Variants in GPBP1L1 observed in about 807,000 individuals in gnomAD.
GPBP1L1 encodes the protein vasculin-like protein 1.
In GPBP1L1, 23 loss-of-function variants were observed where a neutral mutation model predicts 52.5. The observed-to-expected ratio is 0.44, with a 90% CI of 0.32 to 0.62. GPBP1L1 has a LOEUF of 0.62. Among genes scored for constraint, GPBP1L1 ranks in the 20% least tolerant of loss-of-function variants. The pLI is 0.06. For synonymous variants in GPBP1L1, 243 were observed against 203.1 expected (o/e 1.20, Z -1.67); for missense variants, 596 against 579.3 (o/e 1.03, Z -0.30).
In GPBP1L1 at chr1:45,654,845, A is replaced by G. The variant is rs1333481640; in HGVS notation, c.191-16T>C. 2.5e-6 allele frequency: 4 copies of G among 1,609,720 alleles called. No homozygotes were observed. The highest frequency in any genetic ancestry group is 1.7e-5 in the Admixed American group (1 of 59,340). ...TGCCAAGAATCTAGAATAGTAAAGA[A>G]AAGGACTAATTAGATTGTTTGCTTC... On this transcript the variant is annotated splice_polypyrimidine_tract_variant and intron_variant, in intron 5 of 12. Transcript: ENST00000355105.
chr1:45,681,257 G>C (rs1055407915), intron 2 of GPBP1L1, among the ~76,000 whole-genome samples: 5 of 152,082 alleles, frequency 3.3e-5, no homozygotes, highest in African/African-American at 1.2e-4. Flanking sequence ...CAAATACACA[G>C]AATCACCTAA....
chr1:45,645,009 C>T (rs116344827), intron 6 of GPBP1L1, among the ~76,000 whole-genome samples: 47 of 152,260 alleles, frequency 3.1e-4, no homozygotes, highest in South Asian at 6.2e-4. Flanking sequence ...TGTGATTCAA[C>T]CCTCGTCGTT....
chr1:45,678,556 G>C (rs1202584773), intron 2 of GPBP1L1, among the ~76,000 whole-genome samples: 1 of 152,048 alleles, frequency 6.6e-6, no homozygotes, highest in African/African-American at 2.4e-5. Flanking sequence ...CAATCTGTCA[G>C]CTATAAACTT....
chr1:45,650,409 C>G (rs1375591922), intron 6 of GPBP1L1, among the ~76,000 whole-genome samples: 2 of 152,176 alleles, frequency 1.3e-5, no homozygotes, highest in Non-Finnish European at 2.9e-5. Flanking sequence ...GTGTTCCTGT[C>G]TATATCATGT....
chr1:45,638,122 T>C (rs990796089), intron 8 of GPBP1L1, among the ~76,000 whole-genome samples: 3 of 152,234 alleles, frequency 2.0e-5, no homozygotes, highest in South Asian at 4.1e-4. Context: ...CTAAACCCTT[T>C]TCAAAGATAA....
intron 10 of GPBP1L1, 39 bp downstream of exon 10, chr1:45,633,450 A>G (rs1245306239): frequency 6.2e-7 from 1 of 1,603,660 alleles, no homozygotes; most frequent in East Asian, 2.2e-5. Context: ...ATCAAAGGAA[A>G]ATTCCTAGGC....
chr1:45,627,319 A>G lies in GPBP1L1; in HGVS notation c.*937T>C, dbSNP rs964630933. 1.3e-5 allele frequency: 2 copies of G among 152,488 alleles called. No individual in the cohort carries two copies. The highest frequency in any genetic ancestry group is 2.9e-5 in the Non-Finnish European group (2 of 68,014). 9.4% of individuals were successfully genotyped at this position (152,488 alleles called of 1,614,324 possible). On this transcript the variant is annotated 3_prime_UTR_variant, in exon 13 of 13. Transcript: ENST00000355105. Reference sequence around the variant, plus strand: ...AAAAAAAAACTTGGTTTCTGACTTTATTACTGGTAATTTATTGCACAGGTT... The same window carrying G: ...AAAAAAAAACTTGGTTTCTGACTTTGTTACTGGTAATTTATTGCACAGGTT...
intron 2 of GPBP1L1, among the ~76,000 whole-genome samples, chr1:45,666,925 G>A (rs979914339): frequency 6.6e-6 from 1 of 152,144 alleles, no homozygotes; most frequent in Non-Finnish European, 1.5e-5. Flanking sequence ...AAAATATTAC[G>A]TTAAATGAAA....
At chr1:45,656,641 C>A (rs1644887847) in intron 4 of GPBP1L1, among the ~76,000 whole-genome samples, 1 of 150,322 alleles carries the variant, frequency 6.7e-6, no homozygotes, top group Admixed American at 6.6e-5. Flanking sequence ...GTACTTTAGT[C>A]AAAAATCAAC....
intron 8 of GPBP1L1, among the ~76,000 whole-genome samples, chr1:45,637,326 T>C (rs1644605709): frequency 6.6e-6 from 1 of 152,176 alleles, no homozygotes; most frequent in Non-Finnish European, 1.5e-5. Context: ...TAACATCTCA[T>C]ATCCTACGTA....
chr1:45,642,826 G>C (rs1644691335), intron 6 of GPBP1L1, among the ~76,000 whole-genome samples: 1 of 152,220 alleles, frequency 6.6e-6, no homozygotes, highest in Non-Finnish European at 1.5e-5. Flanking sequence ...CTGAAAGTTA[G>C]ATGAACAAGA....
At chr1:45,665,507 T>C (rs1644998634) in intron 2 of GPBP1L1, among the ~76,000 whole-genome samples, 1 of 151,920 alleles carries the variant, frequency 6.6e-6, no homozygotes, top group Admixed American at 6.6e-5. Context: ...TCCCAGCACT[T>C]TGAGAGTCTG....
At chr1:45,650,669 ATTTT>A (rs1644809007) in intron 6 of GPBP1L1, among the ~76,000 whole-genome samples, 1 of 152,200 alleles carries the variant, frequency 6.6e-6, no homozygotes. Flanking sequence ...TCAATTTGTG[ATTTT>A]TATCTACCTA....
At chr1:45,650,414 T>C (rs1302958492) in intron 6 of GPBP1L1, among the ~76,000 whole-genome samples, 1 of 152,182 alleles carries the variant, frequency 6.6e-6, no homozygotes, top group African/African-American at 2.4e-5. Flanking sequence ...CCTGTCTATA[T>C]CATGTACTTC....
intron 2 of GPBP1L1, among the ~76,000 whole-genome samples, chr1:45,664,605 G>C (rs561682852): frequency 1.3e-5 from 2 of 152,098 alleles, no homozygotes; most frequent in Non-Finnish European, 2.9e-5. Flanking sequence ...ATTCCATAGA[G>C]ATGGGGTTTC....
intron 6 of GPBP1L1, among the ~76,000 whole-genome samples, chr1:45,649,012 A>G (rs953530335): frequency 2.0e-5 from 3 of 152,200 alleles, no homozygotes; most frequent in Admixed American, 6.5e-5. Context: ...CCTGAGACAC[A>G]AGAGTGAATC....
intron 2 of GPBP1L1, among the ~76,000 whole-genome samples, chr1:45,665,561 T>C (rs1001614103): frequency 2.6e-5 from 4 of 151,748 alleles, no homozygotes; most frequent in African/African-American, 9.7e-5. Context: ...ACCAACATGG[T>C]GAAACCCTGT....
chr1:45,676,710 CAAAAAAAA>C (rs1189531708), intron 2 of GPBP1L1, among the ~76,000 whole-genome samples: 5 of 63,276 alleles, frequency 7.9e-5, no homozygotes, highest in Non-Finnish European at 1.3e-4. Context: ...AACTCTGTCT[CAAAAAAAA>C]AAAAAAAAAA....
intron 2 of GPBP1L1, among the ~76,000 whole-genome samples, chr1:45,667,847 A>G (rs1645028645): frequency 6.6e-6 from 1 of 152,164 alleles, no homozygotes; most frequent in Admixed American, 6.5e-5. Context: ...TCCTGGGTTC[A>G]AACAATTCTT....
Sources: gnomAD v4.1 joint callset for allele counts (sites outside exome capture counted in the v4.1 genomes callset) on GRCh38, gnomAD v4.1.1 for gene constraint, MANE v1.5 for transcripts, NCBI Gene and HGNC (gene_info 2026-07-23, HGNC 2026-07-21) for gene names.